Variants in ABCA12 observed in about 807,000 individuals in gnomAD.
ABCA12 encodes glucosylceramide transporter ABCA12.
ABCA12 carries 156 observed loss-of-function variants against 293.5 expected under a neutral mutation model. The observed-to-expected ratio is 0.53, with a 90% CI of 0.47 to 0.61. ABCA12 has a LOEUF of 0.61. Among genes scored for constraint, ABCA12 ranks in the 20% least tolerant of loss-of-function variants. The pLI is 0.00. For missense variants in ABCA12, 2,797 were observed against 3,090.2 expected, an observed-to-expected ratio of 0.91 and a Z score of 2.25; for synonymous variants, 1,063 against 1,108.0, an observed-to-expected ratio of 0.96 and a Z score of 0.81.
chr2:214,942,993 A>G lies in ABCA12; in HGVS notation c.7368T>C (p.Cys2456=). The G allele has an allele frequency of 6.2e-7, 1 of 1,613,416 alleles. No homozygotes were observed. Residue 2456 remains cysteine (C), a synonymous_variant, in exon 50 of 53, where the codon TGT becomes TGC. Coordinates refer to ENST00000272895, the MANE Select transcript of ABCA12 (RefSeq NM_173076.3). ...CATTCACCATAATGGCCAACCTGGTACAGAGAGCTTCACATTCTTCCATGC... is the reference window on the plus strand; with the variant it reads ...CATTCACCATAATGGCCAACCTGGTGCAGAGAGCTTCACATTCTTCCATGC... ...SHSMEECEAL[C]TRLAIMVNGK...
At chr2:215,103,592 C>G (rs1273787388) in intron 2 of ABCA12, among the ~76,000 whole-genome samples, 1 of 151,940 alleles carries the variant, frequency 6.6e-6, no homozygotes, top group African/African-American at 2.4e-5. Flanking sequence ...CTCAAAATTT[C>G]TGAGCCTCAG....
Position 215,031,836 on chromosome 2 carries a change from C to A in ABCA12, c.1046G>T (p.Ser349Ile). Residue 349 changes from serine to isoleucine, a missense_variant, in exon 9 of 53, where the codon AGC becomes ATC. Physicochemically the swap from Ser to Ile is moderately radical, Grantham distance 142. Coordinates refer to ENST00000272895, the MANE Select transcript of ABCA12 (RefSeq NM_173076.3). ...NEDDGQTLSP[S>I]SLAAQLLILE... ...AAAGACTTACTGTGCAGCCAGACTG[C>A]TTGGAGATAAGGTCTGTCCATCATC... 6.2e-7 allele frequency: 1 copy of A among 1,613,986 alleles called. No homozygotes were observed. Among genetic ancestry groups the A allele is most frequent in the Non-Finnish European group, 8.5e-7 (1 of 1,179,948 alleles).
chr2:215,097,088 G>A (rs755845570), intron 2 of ABCA12, among the ~76,000 whole-genome samples: 1 of 152,152 alleles, frequency 6.6e-6, no homozygotes, highest in Non-Finnish European at 1.5e-5. Flanking sequence ...AATTATAAAG[G>A]AGGGCTGGTG....
At position 214,958,415 on chromosome 2, in the gene ABCA12, G is replaced by C. The variant is rs73088469; in HGVS notation, c.5979C>G (p.Ile1993Met). Residue 1993 changes from isoleucine to methionine, a missense_variant, in exon 41 of 53, where the codon ATC becomes ATG. Physicochemically the swap from Ile to Met is conservative, Grantham distance 10. This residue lies in a region of ABCA12 where 2,130 missense variants were observed against 2,427.0 expected (regional missense o/e 0.88). Transcript: ENST00000272895. ...SLIDILVALS[I>M]LMGYSVTTAS... ...CGGTGGTGACAGAGTAGCCCATCAA[G>C]ATAGACAGTGCCACTAAAATATCGA... The C allele has an allele frequency of 5.4e-4, 867 of 1,613,936 alleles. 5 individuals carry two copies. The African/African-American group carries it at 0.01, about 20-fold the overall frequency.
At chr2:215,125,146 T>C (rs1204631460) in intron 1 of ABCA12, among the ~76,000 whole-genome samples, 1 of 152,216 alleles carries the variant, frequency 6.6e-6, no homozygotes, top group Non-Finnish European at 1.5e-5. Flanking sequence ...TTCTCTATTC[T>C]GTTCCATTGG....
chr2:214,962,156 T>C (rs1699132265), intron 39 of ABCA12: 1 of 152,196 alleles, frequency 6.6e-6, no homozygotes. Context: ...GAGATGGTCT[T>C]ATAAACAGTA....
At chr2:215,084,301 T>C (rs1001146753) in intron 2 of ABCA12, among the ~76,000 whole-genome samples, 7 of 151,900 alleles carry the variant, frequency 4.6e-5, no homozygotes, top group Non-Finnish European at 1.0e-4. Flanking sequence ...AATGTTTACA[T>C]GTGTTCACAG....
At chr2:215,049,603 G>C (rs776905975) in intron 6 of ABCA12, 23 bp downstream of exon 6, 1 of 1,581,412 alleles carries the variant, frequency 6.3e-7, no homozygotes, top group South Asian at 1.1e-5. Flanking sequence ...GAGTCACTTT[G>C]TGGATCAAAG....
rs572911543 is a variant in ABCA12, at chr2:214,932,947, A to G, written c.7681-206T>C. Among the ~76,000 whole-genome samples the G allele has an allele frequency of 4.6e-5, 7 of 152,230 alleles. No homozygotes were observed. In the South Asian group the frequency reaches 1.5e-3, roughly 32 times the overall value. On this transcript the variant is annotated intron_variant, in intron 52 of 52. Coordinates refer to ENST00000272895, the MANE Select transcript of ABCA12 (RefSeq NM_173076.3). ...GAAAATCAAATTTAACTGGGGCTTG[A>G]AAACAGCACCTATATCTATGACCAT...
At chr2:214,976,793 A>T (rs1207783601) in intron 33 of ABCA12, among the ~76,000 whole-genome samples, 1 of 152,196 alleles carries the variant, frequency 6.6e-6, no homozygotes, top group Non-Finnish European at 1.5e-5. Context: ...CAGAGCAGCT[A>T]TAGAGGCCAT....
At chr2:215,092,275 T>C (rs542341882) in intron 2 of ABCA12, among the ~76,000 whole-genome samples, 1 of 152,286 alleles carries the variant, frequency 6.6e-6, no homozygotes, top group East Asian at 1.9e-4. Context: ...ACTCCCCACC[T>C]CTGGTGCCAA....
intron 1 of ABCA12, among the ~76,000 whole-genome samples, chr2:215,125,833 TGAA>T (rs1054764171): frequency 4.6e-5 from 7 of 152,190 alleles, no homozygotes; most frequent in African/African-American, 1.7e-4. Flanking sequence ...AGTACTAAGT[TGAA>T]GAGGCGTGGT....
chr2:215,026,473 A>G (rs1046664089), intron 10 of ABCA12, among the ~76,000 whole-genome samples: 2 of 152,164 alleles, frequency 1.3e-5, no homozygotes, highest in African/African-American at 4.8e-5. Flanking sequence ...AACAGCTAAG[A>G]TTATTAAGAG....
rs200488843 is a variant in ABCA12 at position 214,944,993 on chromosome 2, C to T, written c.7343+8G>A. On this transcript the variant is annotated splice_region_variant and intron_variant, in intron 49 of 52. Coordinates refer to ENST00000272895, the MANE Select transcript of ABCA12 (RefSeq NM_173076.3). ...GTGGATTCGCTTTAAAGATTCCACT[C>T]AGTTTACCTGTGAGATGTGAGGATG... 3.3e-4 allele frequency: 531 copies of T among 1,611,888 alleles called. No individual in the cohort carries two copies. The highest frequency in any genetic ancestry group is 3.2e-3 in the Middle Eastern group (19 of 5,940).
chr2:215,079,367 G>GT (rs1198815030), intron 2 of ABCA12, among the ~76,000 whole-genome samples: 2 of 152,170 alleles, frequency 1.3e-5, no homozygotes, highest in Non-Finnish European at 2.9e-5. Context: ...ACAATAAAAT[G>GT]TAAGTGAGGG....
intron 37 of ABCA12, among the ~76,000 whole-genome samples, chr2:214,969,439 C>T (rs1215036980): frequency 6.6e-6 from 1 of 152,054 alleles, no homozygotes; most frequent in Non-Finnish European, 1.5e-5. Context: ...GGTGCAGTCA[C>T]ACTAGAATAA....
At chr2:214,986,439 G>A in intron 28 of ABCA12, 103 bp downstream of exon 28, 1 of 1,128,290 alleles carries the variant, frequency 8.9e-7, no homozygotes, top group Non-Finnish European at 1.3e-6. Context: ...TCTGGGAAAT[G>A]TAATAACTTT....
At chr2:215,135,186 T>C (rs909437566) in intron 1 of ABCA12, among the ~76,000 whole-genome samples, 9 of 152,140 alleles carry the variant, frequency 5.9e-5, no homozygotes, top group African/African-American at 1.9e-4. Flanking sequence ...CTTGAACTCC[T>C]AACCTTAAGT....
Position 214,978,336 on chromosome 2 carries a change from C to G in ABCA12, c.5108G>C (p.Ser1703Thr), listed in dbSNP as rs774005738. ...CATACCATCTCTGTCTGTGAAATTGCTGCTGCTCACAGATAAATCGTCAGG... is the reference window on the plus strand; with the variant it reads ...CATACCATCTCTGTCTGTGAAATTGGTGCTGCTCACAGATAAATCGTCAGG... ...STPDDLSVSS[S>T]NFTDRDDKIL... is the part of the protein sequence containing the mutation. Residue 1703 changes from serine to threonine, a missense_variant, in exon 33 of 53, where the codon AGC (serine) becomes ACC (threonine). Ser to Thr is a moderately conservative substitution (Grantham distance 58). Coordinates refer to ENST00000272895, the MANE Select transcript of ABCA12 (RefSeq NM_173076.3). 1.9e-5 allele frequency: 31 copies of G among 1,613,890 alleles called. No homozygotes were observed. The highest frequency in any genetic ancestry group is 8.3e-5 in the Admixed American group (5 of 60,000).
Sources: allele counts gnomAD v4.1 joint callset (sites outside exome capture counted in the v4.1 genomes callset), GRCh38; gene constraint gnomAD v4.1.1; regional missense constraint gnomAD v4.1.1; transcripts MANE v1.5; gene names NCBI Gene and HGNC (gene_info 2026-07-23, HGNC 2026-07-21).